Variants in PLCB1 observed in about 807,000 individuals in gnomAD.
The protein encoded by PLCB1 is phospholipase C beta 1, also known as 1-phosphatidylinositol 4,5-bisphosphate phosphodiesterase beta-1.
PLCB1 carries 46 observed loss-of-function variants against 161.8 expected under a neutral mutation model. The observed-to-expected ratio is 0.28, with a 90% confidence interval of 0.22 to 0.36. PLCB1 has a LOEUF of 0.36. PLCB1 is among the 10% of genes least tolerant of loss of function. PLCB1 has a pLI of 1.00. For missense variants in PLCB1, 1,016 were observed against 1,472.5 expected (o/e 0.69, Z 5.07); for synonymous variants, 517 against 503.7 (o/e 1.03, Z -0.35).
rs1982289673 is a variant in PLCB1, at chr20:8,476,521, A to G, written c.246+105071A>G. 3.9e-5 allele frequency among the ~76,000 whole-genome samples: 6 copies of G among 152,248 alleles called. No homozygotes were observed. The South Asian group carries it at 1.2e-3, about 32-fold the overall frequency. On this transcript the variant is annotated intron_variant, in intron 3 of 31. Coordinates refer to ENST00000338037, the MANE Select transcript of PLCB1 (RefSeq NM_015192.4). The stretch of plus-strand genomic sequence containing the variant: ...TAAAGTTAATTTCCTTAAGTGCTTC[A>G]GATACTATATTAAAACTATCCTTTT...
chr20:8,461,005 G>A (rs1981551827), intron 3 of PLCB1, among the ~76,000 whole-genome samples: 1 of 152,170 alleles, frequency 6.6e-6, no homozygotes, highest in Non-Finnish European at 1.5e-5. Flanking sequence ...GCCCGATGTG[G>A]TTAATGAGTA....
chr20:8,190,482 G>T (rs554786551), intron 2 of PLCB1, among the ~76,000 whole-genome samples: 14 of 151,962 alleles, frequency 9.2e-5, no homozygotes, highest in Non-Finnish European at 4.4e-5. Context: ...TGTAGTTAGC[G>T]GCTTGATACC....
intron 11 of PLCB1, among the ~76,000 whole-genome samples, chr20:8,705,090 A>C (rs1248485902): frequency 6.7e-6 from 1 of 149,196 alleles, no homozygotes; most frequent in East Asian, 2.0e-4. Flanking sequence ...TGTTAATCTC[A>C]TCCAGAAACC....
At chr20:8,551,065 T>C (rs979732898) in intron 3 of PLCB1, among the ~76,000 whole-genome samples, 5 of 152,230 alleles carry the variant, frequency 3.3e-5, no homozygotes, top group Non-Finnish European at 4.4e-5. Flanking sequence ...ACACAAATAA[T>C]TGAATTAAGT....
intron 2 of PLCB1, among the ~76,000 whole-genome samples, chr20:8,350,267 AGT>A (rs1986141074): frequency 6.6e-6 from 1 of 152,078 alleles, no homozygotes; most frequent in Admixed American, 6.6e-5. Flanking sequence ...TAGGCCCCAG[AGT>A]GTGGTGTTTG....
chr20:8,366,789 G>A (rs1386757034), intron 2 of PLCB1, among the ~76,000 whole-genome samples: 4 of 149,388 alleles, frequency 2.7e-5, no homozygotes, highest in Admixed American at 6.6e-5. Context: ...TAATGATTCC[G>A]GTAGGTTCTT....
intron 2 of PLCB1, among the ~76,000 whole-genome samples, chr20:8,336,611 G>C (rs1333399513): frequency 6.6e-6 from 1 of 152,136 alleles, no homozygotes; most frequent in African/African-American, 2.4e-5. Context: ...CAAGATACCA[G>C]GTGATCGTAG....
At chr20:8,560,277 A>G (rs943463546) in intron 3 of PLCB1, among the ~76,000 whole-genome samples, 3 of 151,974 alleles carry the variant, frequency 2.0e-5, no homozygotes, top group African/African-American at 7.2e-5. Flanking sequence ...TTGGCTGTAC[A>G]TTGACATCAC....
intron 2 of PLCB1, among the ~76,000 whole-genome samples, chr20:8,211,312 G>T (rs760901192): frequency 6.6e-6 from 1 of 152,090 alleles, no homozygotes; most frequent in Non-Finnish European, 1.5e-5. Flanking sequence ...AGACATCTCA[G>T]ACTTATCAGA....
intron 9 of PLCB1, among the ~76,000 whole-genome samples, chr20:8,671,874 G>A (rs1333985282): frequency 3.3e-5 from 5 of 152,040 alleles, no homozygotes; most frequent in African/African-American, 7.2e-5. Context: ...AAATAACCCC[G>A]TGCCCTCAGA....
At chr20:8,346,244 C>T (rs1224815362) in intron 2 of PLCB1, among the ~76,000 whole-genome samples, 2 of 152,176 alleles carry the variant, frequency 1.3e-5, no homozygotes, top group African/African-American at 2.4e-5. Context: ...TTCTCTCCCT[C>T]CATTTTTGCC....
intron 2 of PLCB1, among the ~76,000 whole-genome samples, chr20:8,160,512 G>T (rs1318031006): frequency 6.6e-6 from 1 of 152,212 alleles, no homozygotes; most frequent in African/African-American, 2.4e-5. Context: ...ATAGTGGAAG[G>T]TGAGAGGCAC....
At chr20:8,205,590 T>C (rs1336332021) in intron 2 of PLCB1, among the ~76,000 whole-genome samples, 1 of 152,202 alleles carries the variant, frequency 6.6e-6, no homozygotes, top group African/African-American at 2.4e-5. Context: ...TGTATGGCTT[T>C]CATTTAGATT....
chr20:8,132,806 G>C lies in PLCB1; in HGVS notation c.99+56G>C. On this transcript the variant is annotated intron_variant, in intron 1 of 31. Transcript: ENST00000338037. The surrounding 1 kb of genome is among the most constrained non-coding windows in gnomAD (Gnocchi z 5.2). ...CTGGCTCGGGCACCGGGCAGGGCGG[G>C]CGTCGTGGGGGTGGGGCAAGGGGCG... is the stretch of plus-strand genomic sequence containing the variant. 1 of 1,318,028 alleles carries C rather than the reference G, an allele frequency of 7.6e-7. No individual in the cohort carries two copies. The highest frequency in any genetic ancestry group is 1.1e-6 in the Non-Finnish European group (1 of 922,398). 81.6% of individuals were successfully genotyped at this position (1,318,028 alleles called of 1,614,324 possible).
chr20:8,473,888 T>C (rs752516721), intron 3 of PLCB1, among the ~76,000 whole-genome samples: 3 of 152,198 alleles, frequency 2.0e-5, no homozygotes, highest in Non-Finnish European at 4.4e-5. Flanking sequence ...GGTGAATTTT[T>C]TCTCAAATGG....
chr20:8,796,121 T>C (rs1984015406), intron 31 of PLCB1, among the ~76,000 whole-genome samples: 1 of 152,216 alleles, frequency 6.6e-6, no homozygotes. Context: ...ACAGGTTTTC[T>C]GCTTAATTTA....
In PLCB1 at chr20:8,790,280, A is replaced by T; in HGVS notation, c.3423+19A>T. ...GCCCAAGGTAAACGGAACTGAATTAAAATGAACAATTATTTTATTTGATTT... is the reference window on the plus strand; with the variant it reads ...GCCCAAGGTAAACGGAACTGAATTATAATGAACAATTATTTTATTTGATTT... On this transcript the variant is annotated intron_variant, in intron 31 of 31. Transcript: ENST00000338037. The T allele has an allele frequency of 6.4e-7, 1 of 1,573,588 alleles. No individual in the cohort carries two copies. The highest frequency in any genetic ancestry group is 8.7e-7 in the Non-Finnish European group (1 of 1,148,324).
intron 3 of PLCB1, among the ~76,000 whole-genome samples, chr20:8,527,833 A>C (rs1025749678): frequency 3.9e-5 from 6 of 152,126 alleles, no homozygotes; most frequent in African/African-American, 1.4e-4. Flanking sequence ...GAAAAAATAA[A>C]CTAGCACAGA....
At chr20:8,175,635 C>T (rs1226464219) in intron 2 of PLCB1, among the ~76,000 whole-genome samples, 2 of 151,844 alleles carry the variant, frequency 1.3e-5, no homozygotes, top group Non-Finnish European at 2.9e-5. Context: ...ACATCAAATC[C>T]ATGATTCATA....
Sources: gnomAD v4.1 joint callset for allele counts (sites outside exome capture counted in the v4.1 genomes callset) on GRCh38, gnomAD v4.1.1 for gene constraint, Gnocchi (gnomAD v3.1) non-coding constraint, MANE v1.5 for transcripts, NCBI Gene and HGNC (gene_info 2026-07-23, HGNC 2026-07-21) for gene names.